The following CFAP210 variants were observed in gnomAD, a reference collection of about 807,000 sequenced individuals.
CFAP210 encodes cilia- and flagella- associated protein 210.
chr2:169,691,994 C>T, the CFAP210 span, among the ~76,000 whole-genome samples: 1 of 152,180 alleles, frequency 6.6e-6, no homozygotes, highest in Admixed American at 6.5e-5. Flanking sequence ...CTTCAATGCT[C>T]GGGCAGGCAA....
chr2:169,688,757 TA>T, the CFAP210 span, among the ~76,000 whole-genome samples: 1 of 152,236 alleles, frequency 6.6e-6, no homozygotes, highest in Non-Finnish European at 1.5e-5. Context: ...AACAAGTCTC[TA>T]GGAAGTTCCA....
At chr2:169,667,148 T>TC in the CFAP210 span, among the ~76,000 whole-genome samples, 11 of 151,546 alleles carry the variant, frequency 7.3e-5, no homozygotes, top group South Asian at 1.0e-3. Flanking sequence ...TTTTCTTTTT[T>TC]TTTTTTTTTG....
At chr2:169,652,713 T>C in the CFAP210 span, among the ~76,000 whole-genome samples, 3 of 151,798 alleles carry the variant, frequency 2.0e-5, no homozygotes, top group Non-Finnish European at 4.4e-5. Context: ...TTTTAAAAAA[T>C]AGCCGGGCGC....
the CFAP210 span, among the ~76,000 whole-genome samples, chr2:169,663,796 T>TA: frequency 0.1 from 15,020 of 144,172 alleles, 934 homozygotes; most frequent in Middle Eastern, 0.2. Flanking sequence ...AAAATAATAA[T>TA]AAAAAAAAAA....
the CFAP210 span, among the ~76,000 whole-genome samples, chr2:169,677,988 A>G: frequency 6.6e-6 from 1 of 152,218 alleles, no homozygotes; most frequent in African/African-American, 2.4e-5. Context: ...TTTAGGGATA[A>G]ATCCAACGAA....
the CFAP210 span, chr2:169,675,125 CT>C: frequency 1.0e-6 from 1 of 988,896 alleles, no homozygotes; most frequent in Non-Finnish European, 1.4e-6. Flanking sequence ...ATAATTTGAG[CT>C]TTTATGTTTT....
At chr2:169,678,804 G>A in the CFAP210 span, among the ~76,000 whole-genome samples, 1 of 151,752 alleles carries the variant, frequency 6.6e-6, no homozygotes, top group African/African-American at 2.4e-5. Context: ...CAGACTAGGC[G>A]ACAGAGTGAG....
At chr2:169,646,054 T>A in the CFAP210 span, 1 of 1,613,910 alleles carries the variant, frequency 6.2e-7, no homozygotes, top group Non-Finnish European at 8.5e-7. Context: ...TTGTTTCCGA[T>A]TCAAGTTCAA....
chr2:169,656,481 G>C, the CFAP210 span, among the ~76,000 whole-genome samples: 9 of 147,020 alleles, frequency 6.1e-5, no homozygotes, highest in Admixed American at 4.7e-4. Context: ...AGGAGAAGGT[G>C]GTGGAGAAGG....
At chr2:169,646,599 G>A in the CFAP210 span, among the ~76,000 whole-genome samples, 1 of 152,098 alleles carries the variant, frequency 6.6e-6, no homozygotes. Context: ...AATATACTAT[G>A]TCCCCAGCCA....
the CFAP210 span, among the ~76,000 whole-genome samples, chr2:169,688,490 A>C: frequency 0.24 from 36,684 of 152,070 alleles, 4,636 homozygotes; most frequent in Non-Finnish European, 0.27. Flanking sequence ...TTAAAACTGA[A>C]TGCCCTTAAC....
At chr2:169,676,365 A>G in the CFAP210 span, among the ~76,000 whole-genome samples, 3 of 121,230 alleles carry the variant, frequency 2.5e-5, no homozygotes, top group African/African-American at 9.4e-5. Context: ...CTTCTGTGTT[A>G]CAAAAAAAAA....
the CFAP210 span, chr2:169,674,694 C>A: frequency 6.2e-7 from 1 of 1,609,914 alleles, no homozygotes; most frequent in Non-Finnish European, 8.5e-7. Flanking sequence ...CATTTTTTAT[C>A]TGATTTTATC....
At chr2:169,673,319 C>T in the CFAP210 span, among the ~76,000 whole-genome samples, 1 of 152,322 alleles carries the variant, frequency 6.6e-6, no homozygotes, top group African/African-American at 2.4e-5. Context: ...AATCTGACTG[C>T]CACCTCTGAG....
At chr2:169,689,376 T>A in the CFAP210 span, among the ~76,000 whole-genome samples, 1 of 152,212 alleles carries the variant, frequency 6.6e-6, no homozygotes, top group African/African-American at 2.4e-5. Flanking sequence ...TTCCTAAGTA[T>A]TTTGGTGCTA....
the CFAP210 span, chr2:169,648,221 G>A: frequency 5.1e-6 from 1 of 196,332 alleles, no homozygotes; most frequent in Non-Finnish European, 1.0e-5. Context: ...GACAAATATT[G>A]TCTGATTCCA....
chr2:169,669,408 GAAT>G, the CFAP210 span, among the ~76,000 whole-genome samples: 10 of 152,266 alleles, frequency 6.6e-5, 1 homozygote, highest in East Asian at 1.9e-3. Flanking sequence ...GCTTAAGGTA[GAAT>G]AATAATATGA....
At chr2:169,689,754 A>T in the CFAP210 span, among the ~76,000 whole-genome samples, 1 of 152,318 alleles carries the variant, frequency 6.6e-6, no homozygotes, top group African/African-American at 2.4e-5. Flanking sequence ...GGTCTCCTTC[A>T]TCAGGTTAAG....
At chr2:169,694,209 T>C in the CFAP210 span, 6 of 1,582,622 alleles carry the variant, frequency 3.8e-6, no homozygotes, top group East Asian at 1.3e-4. Context: ...TCTCACTCCA[T>C]GCCGGGGGTC....
Sources: gnomAD v4.1 joint callset for allele counts (sites outside exome capture counted in the v4.1 genomes callset) on GRCh38, gnomAD v4.1.1 for gene constraint, MANE v1.5 for transcripts, NCBI Gene and HGNC (gene_info 2026-07-23, HGNC 2026-07-21) for gene names.